CNTN4: variants seen among roughly 807,000 people sequenced by gnomAD.
The protein encoded by CNTN4 is contactin 4.
CNTN4 carries 77 observed loss-of-function variants against 122.5 expected under a neutral mutation model. The observed-to-expected ratio is 0.63, with a 90% CI of 0.52 to 0.76. The LOEUF is 0.76. Ranked by LOEUF, CNTN4 falls within the 30% of genes least tolerant of loss-of-function variation. The probability of loss-of-function intolerance (pLI) is 0.00; values close to 1 mark genes in which losing one functional copy is unlikely to be tolerated. For synonymous variants in CNTN4, 512 were observed against 447.0 expected, an observed-to-expected ratio of 1.15 and a Z score of -1.83; for missense variants, 1,256 against 1,259.1, an observed-to-expected ratio of 1.00 and a Z score of 0.04.
intron 2 of CNTN4, among the ~76,000 whole-genome samples, chr3:2,244,037 A>T (rs890368609): frequency 6.6e-6 from 1 of 152,068 alleles, no homozygotes; most frequent in African/African-American, 2.4e-5. Flanking sequence ...GTTTTCCTTT[A>T]TCCATAGCCC....
intron 3 of CNTN4, among the ~76,000 whole-genome samples, chr3:2,393,679 TATG>T (rs372178777): frequency 6.6e-6 from 1 of 152,164 alleles, no homozygotes; most frequent in African/African-American, 2.4e-5. Flanking sequence ...ACATAAATCT[TATG>T]ATGTTTTCAA....
At chr3:2,556,699 TA>T (rs1395040010) in intron 3 of CNTN4, among the ~76,000 whole-genome samples, 1 of 152,100 alleles carries the variant, frequency 6.6e-6, no homozygotes, top group Non-Finnish European at 1.5e-5. Flanking sequence ...TGTGTATATG[TA>T]TATAATACAT....
At chr3:2,183,455 C>G (rs2037109079) in intron 2 of CNTN4, among the ~76,000 whole-genome samples, 1 of 152,084 alleles carries the variant, frequency 6.6e-6, no homozygotes, top group Non-Finnish European at 1.5e-5. Flanking sequence ...AATTCCATGG[C>G]TCTTTTTTTG....
Position 2,487,763 on chromosome 3 carries a change from G to A in CNTN4, c.-88-83653G>A, listed in dbSNP as rs143203346. Among the ~76,000 whole-genome samples the A allele has an allele frequency of 2.1e-3, 326 of 152,194 alleles. 1 individual carries two copies. The highest frequency in any genetic ancestry group is 7.4e-3 in the African/African-American group (307 of 41,518). ...TTTTTGAAATACATGAGAAACTGTC[G>A]TTTACGCTTTCCTTTCATTTTCCAA... On this transcript the variant is annotated intron_variant, in intron 3 of 24. Transcript: ENST00000418658.
At chr3:2,302,566 T>C (rs1156718646) in intron 2 of CNTN4, among the ~76,000 whole-genome samples, 1 of 152,218 alleles carries the variant, frequency 6.6e-6, no homozygotes, top group East Asian at 1.9e-4. Flanking sequence ...TATTTAATTT[T>C]GAAATGCAAT....
At chr3:2,829,134 C>T (rs1159211874) in intron 7 of CNTN4, among the ~76,000 whole-genome samples, 1 of 152,188 alleles carries the variant, frequency 6.6e-6, no homozygotes, top group East Asian at 1.9e-4. Context: ...GAAATGTAAT[C>T]AGCCAGTTCC....
chr3:2,916,145 T>G (rs1479577713), intron 12 of CNTN4, among the ~76,000 whole-genome samples: 1 of 152,246 alleles, frequency 6.6e-6, no homozygotes, highest in Non-Finnish European at 1.5e-5. Flanking sequence ...ACTGTACATG[T>G]AAACATTGTC....
At chr3:2,721,213 C>A (rs916960346) in intron 4 of CNTN4, among the ~76,000 whole-genome samples, 32 of 152,092 alleles carry the variant, frequency 2.1e-4, no homozygotes, top group African/African-American at 2.4e-5. Context: ...CTCAGGTGAT[C>A]CACCCACCTC....
intron 7 of CNTN4, among the ~76,000 whole-genome samples, chr3:2,853,915 C>A (rs1317910787): frequency 6.6e-6 from 1 of 152,140 alleles, no homozygotes; most frequent in Non-Finnish European, 1.5e-5. Context: ...ATGATGACTG[C>A]CGTTCCCCAA....
chr3:2,634,739 C>T (rs2082589666), intron 4 of CNTN4, among the ~76,000 whole-genome samples: 2 of 151,044 alleles, frequency 1.3e-5, no homozygotes, highest in African/African-American at 2.4e-5. Context: ...ACCTGTAGTC[C>T]CACCTACTCC....
At chr3:2,304,626 C>T (rs1021567440) in intron 2 of CNTN4, among the ~76,000 whole-genome samples, 2 of 151,864 alleles carry the variant, frequency 1.3e-5, no homozygotes, top group Non-Finnish European at 2.9e-5. Flanking sequence ...ATAATAAAGG[C>T]GAGGAGTTGG....
chr3:2,318,636 G>A (rs62243963), intron 2 of CNTN4, among the ~76,000 whole-genome samples: 18,702 of 151,960 alleles, frequency 0.12, 1,417 homozygotes, highest in Non-Finnish European at 0.17. Flanking sequence ...GTTTTTTTGT[G>A]TGTATGCATG....
intron 4 of CNTN4, among the ~76,000 whole-genome samples, chr3:2,579,920 C>A (rs941656303): frequency 2.0e-5 from 3 of 152,110 alleles, no homozygotes; most frequent in Non-Finnish European, 4.4e-5. Flanking sequence ...TCTGGCCATT[C>A]TTCAGTGGTT....
intron 3 of CNTN4, among the ~76,000 whole-genome samples, chr3:2,504,293 A>G (rs1265802958): frequency 6.6e-6 from 1 of 152,182 alleles, no homozygotes; most frequent in Non-Finnish European, 1.5e-5. Flanking sequence ...TTTCAAGAAG[A>G]AGTGAAGTTC....
chr3:2,639,071 A>G (rs2082788615), intron 4 of CNTN4, among the ~76,000 whole-genome samples: 1 of 152,146 alleles, frequency 6.6e-6, no homozygotes, highest in South Asian at 2.1e-4. Context: ...TATTTTCAAC[A>G]CAGCTATCCG....
chr3:2,367,926 T>C (rs1434622552), intron 3 of CNTN4, among the ~76,000 whole-genome samples: 1 of 152,166 alleles, frequency 6.6e-6, no homozygotes, highest in Non-Finnish European at 1.5e-5. Flanking sequence ...TACTATTATT[T>C]TTCTCTTGAG....
intron 6 of CNTN4, among the ~76,000 whole-genome samples, chr3:2,758,460 C>T (rs1393036376): frequency 6.6e-6 from 1 of 150,750 alleles, no homozygotes; most frequent in Non-Finnish European, 1.5e-5. Context: ...TAGTCTTTCT[C>T]ATTCACCTAG....
intron 4 of CNTN4, among the ~76,000 whole-genome samples, chr3:2,712,223 A>G (rs1206892376): frequency 6.6e-6 from 1 of 152,238 alleles, no homozygotes; most frequent in African/African-American, 2.4e-5. Context: ...AAACACCAAA[A>G]GTATCTGTTA....
At chr3:2,294,597 C>A (rs1258142711) in intron 2 of CNTN4, among the ~76,000 whole-genome samples, 1 of 152,110 alleles carries the variant, frequency 6.6e-6, no homozygotes, top group South Asian at 2.1e-4. Flanking sequence ...TGCCACTGCA[C>A]CACAGCCTGG....
Sources: gnomAD v4.1 joint callset for allele counts (sites outside exome capture counted in the v4.1 genomes callset) on GRCh38, gnomAD v4.1.1 for gene constraint, MANE v1.5 for transcripts, NCBI Gene and HGNC (gene_info 2026-07-23, HGNC 2026-07-21) for gene names.